The following DOK6 variants were observed in gnomAD, a reference collection of about 807,000 sequenced individuals.
DOK6 encodes the protein docking protein 6, also known as downstream of tyrosine kinase 6.
A neutral mutation model predicts 44.0 loss-of-function variants in DOK6; 22 were observed. The observed-to-expected ratio is 0.50, with a 90% CI of 0.36 to 0.71. The LOEUF (loss-of-function observed/expected upper bound fraction) is 0.71. Among genes scored for constraint, DOK6 ranks in the 30% least tolerant of loss-of-function variants. DOK6 has a pLI of 0.00. For missense variants in DOK6, 340 were observed against 416.4 expected (o/e 0.82, Z 1.60); for synonymous variants, 166 against 145.5 (o/e 1.14, Z -1.01).
chr18:69,457,931 G>T (rs1671797584), intron 1 of DOK6, among the ~76,000 whole-genome samples: 1 of 152,180 alleles, frequency 6.6e-6, no homozygotes. Context: ...ATCACCTGAG[G>T]TCAGGAGTTT....
At chr18:69,775,185 A>G (rs73970261) in intron 7 of DOK6, among the ~76,000 whole-genome samples, 2,984 of 152,136 alleles carry the variant, frequency 0.02, 90 homozygotes, top group African/African-American at 0.067. Flanking sequence ...ATGCAAGAAT[A>G]AATACTAAAT....
At chr18:69,510,310 A>T (rs1981329994) in intron 1 of DOK6, among the ~76,000 whole-genome samples, 1 of 152,196 alleles carries the variant, frequency 6.6e-6, no homozygotes, top group African/African-American at 2.4e-5. Flanking sequence ...CTTTTAGTTA[A>T]TATTAACCAT....
At chr18:69,527,987 C>G (rs1474574073) in intron 1 of DOK6, among the ~76,000 whole-genome samples, 1 of 151,894 alleles carries the variant, frequency 6.6e-6, no homozygotes, top group East Asian at 1.9e-4. Context: ...CATGGTGAAA[C>G]CCTGTCTCTA....
chr18:69,516,322 T>G (rs1599168891), intron 1 of DOK6, among the ~76,000 whole-genome samples: 1 of 152,088 alleles, frequency 6.6e-6, no homozygotes, highest in Non-Finnish European at 1.5e-5. Context: ...CAAATATTAG[T>G]GGTACAAATT....
chr18:69,411,075 T>A (rs1978303985), intron 1 of DOK6, among the ~76,000 whole-genome samples: 1 of 152,146 alleles, frequency 6.6e-6, no homozygotes, highest in Non-Finnish European at 1.5e-5. Flanking sequence ...ATATAGCACA[T>A]ACCTCTCGAG....
chr18:69,811,618 GTTA>G, intron 7 of DOK6, among the ~76,000 whole-genome samples: 1 of 137,720 alleles, frequency 7.3e-6, no homozygotes, highest in South Asian at 2.3e-4. Flanking sequence ...TACAATTTTG[GTTA>G]ACTAAAAGTG....
At chr18:69,592,224 GT>G (rs1983638024) in intron 2 of DOK6, among the ~76,000 whole-genome samples, 1 of 146,234 alleles carries the variant, frequency 6.8e-6, no homozygotes, top group Non-Finnish European at 1.5e-5. Context: ...GGTGGCTTTT[GT>G]TTTTCTTTTT....
At chr18:69,662,118 T>C (rs1985543710) in intron 3 of DOK6, 1 of 152,246 alleles carries the variant, frequency 6.6e-6, no homozygotes, top group South Asian at 2.1e-4. Context: ...TAGCTGGGAT[T>C]ACAGGTGCCT....
At chr18:69,731,540 T>C (rs756050350) in intron 5 of DOK6, among the ~76,000 whole-genome samples, 1 of 152,196 alleles carries the variant, frequency 6.6e-6, no homozygotes, top group Non-Finnish European at 1.5e-5. Context: ...CTATGGTCAG[T>C]TGAAATGCTG....
chr18:69,426,413 TACGCATTTCAGGCATTACATGGTTCA>T (rs1276262362), intron 1 of DOK6, among the ~76,000 whole-genome samples: 1 of 152,212 alleles, frequency 6.6e-6, no homozygotes, highest in Non-Finnish European at 1.5e-5. Flanking sequence ...CGTAATTATA[TACGCATTTCAGGCATTACATGGTTCA>T]ACTTAATTTA....
chr18:69,655,909 G>A (rs1312911418), intron 3 of DOK6, among the ~76,000 whole-genome samples: 1 of 151,436 alleles, frequency 6.6e-6, no homozygotes, highest in African/African-American at 2.4e-5. Context: ...TCCAACATAT[G>A]TCTGACAGGA....
chr18:69,773,287 T>C (rs2144767632), intron 7 of DOK6, among the ~76,000 whole-genome samples: 1 of 151,926 alleles, frequency 6.6e-6, no homozygotes, highest in South Asian at 2.1e-4. Flanking sequence ...GTATGAAGAT[T>C]CCCAAAACAA....
At chr18:69,770,078 G>A (rs947115516) in intron 7 of DOK6, among the ~76,000 whole-genome samples, 1 of 152,148 alleles carries the variant, frequency 6.6e-6, no homozygotes, top group Non-Finnish European at 1.5e-5. Context: ...AAAAACCCCT[G>A]AAAGGGTAGA....
intron 2 of DOK6, among the ~76,000 whole-genome samples, chr18:69,582,940 AT>A (rs1983404643): frequency 6.6e-6 from 1 of 152,070 alleles, no homozygotes; most frequent in Non-Finnish European, 1.5e-5. Context: ...CCTTCACCAT[AT>A]TTTACTTTTC....
chr18:69,747,278 G>A (rs775313391), intron 6 of DOK6, among the ~76,000 whole-genome samples: 7 of 152,148 alleles, frequency 4.6e-5, no homozygotes, highest in Non-Finnish European at 8.8e-5. Flanking sequence ...TCACTAGAGA[G>A]ATAAAGAGCA....
chr18:69,727,465 A>G (rs78900497), intron 5 of DOK6, among the ~76,000 whole-genome samples: 6,036 of 152,298 alleles, frequency 0.04, 143 homozygotes, highest in Non-Finnish European at 0.057. Context: ...TGATAATGTG[A>G]ATCAAAATAA....
chr18:69,655,578 C>T (rs979981897), intron 3 of DOK6, among the ~76,000 whole-genome samples: 1 of 151,450 alleles, frequency 6.6e-6, no homozygotes, highest in Non-Finnish European at 1.5e-5. Flanking sequence ...CATGGTGAAA[C>T]CCTGTCTCTA....
intron 1 of DOK6, among the ~76,000 whole-genome samples, chr18:69,528,225 A>G (rs1375068630): frequency 2.0e-5 from 3 of 151,906 alleles, no homozygotes; most frequent in Non-Finnish European, 2.9e-5. Flanking sequence ...AGCGTTGCAT[A>G]AAGTAAATTA....
At chr18:69,691,994 C>CA (rs1297737657) in intron 4 of DOK6, among the ~76,000 whole-genome samples, 2 of 152,000 alleles carry the variant, frequency 1.3e-5, no homozygotes, top group African/African-American at 4.8e-5. Context: ...ATTAAGAATT[C>CA]AAAAGTAAAG....
Sources: gnomAD v4.1 joint callset for allele counts (sites outside exome capture counted in the v4.1 genomes callset) on GRCh38, gnomAD v4.1.1 for gene constraint, MANE v1.5 for transcripts, NCBI Gene and HGNC (gene_info 2026-07-23, HGNC 2026-07-21) for gene names.